LEKR1: variants seen among roughly 807,000 people sequenced by gnomAD.
The protein encoded by LEKR1 is leucine, glutamate and lysine rich 1, also known as protein LEKR1.
Under a neutral mutation model 72.4 loss-of-function variants are expected in LEKR1, and 59 were observed. The ratio of observed to expected loss-of-function variants is 0.82; its 90% CI spans 0.66 to 1.01. LEKR1 has a LOEUF of 1.01. LEKR1 is among the 50% of genes least tolerant of loss of function. The pLI, the probability that LEKR1 is intolerant of heterozygous loss-of-function variation, is 0.00. For missense variants in LEKR1, 728 were observed against 759.2 expected (o/e 0.96, Z 0.48); for synonymous variants, 257 against 263.2 (o/e 0.98, Z 0.23).
chr3:156,910,392 C>G (rs1437220908), intron 3 of LEKR1, among the ~76,000 whole-genome samples: 2 of 152,060 alleles, frequency 1.3e-5, no homozygotes, highest in Non-Finnish European at 2.9e-5. Flanking sequence ...TTTTCAGTTC[C>G]TGTATTAATT....
chr3:156,994,335 A>T (rs1459455985), intron 9 of LEKR1, among the ~76,000 whole-genome samples: 1 of 152,082 alleles, frequency 6.6e-6, no homozygotes, highest in Non-Finnish European at 1.5e-5. Flanking sequence ...CTGGGCACCA[A>T]ATCTGTTTCT....
chr3:156,927,489 TA>T lies in LEKR1; in HGVS notation c.448del (p.Arg150GlyfsTer3). On this transcript the variant is annotated frameshift_variant, in exon 5 of 13. Coordinates refer to ENST00000356539, the MANE Select transcript of LEKR1 (RefSeq NM_001004316.3). LOFTEE classifies it high-confidence loss of function. The stretch of plus-strand genomic sequence containing the variant: ...AGACTCTTTCATTACTTACTTTTAC[TA>T]AAAGGGAACTAACCAGTATTAAAAA... ...NKTLSLLTFTKRELTSIKNEV... is the reference protein window; with the variant it reads ...NKTLSLLTFTXRELTSIKNEV... 3 of 1,193,940 alleles carry T rather than the reference TA, an allele frequency of 2.5e-6. No individual in the cohort carries two copies. Among genetic ancestry groups the T allele is most frequent in the Admixed American group, 3.4e-5 (1 of 29,088 alleles). 74.0% of individuals were successfully genotyped at this position (1,193,940 alleles called of 1,614,324 possible).
At chr3:156,958,296 CT>C (rs1234586036) in intron 6 of LEKR1, among the ~76,000 whole-genome samples, 1 of 152,114 alleles carries the variant, frequency 6.6e-6, no homozygotes, top group Non-Finnish European at 1.5e-5. Context: ...TTCTGGTGAA[CT>C]GATTATACCA....
chr3:157,023,274 G>A (rs1349732780), intron 10 of LEKR1, among the ~76,000 whole-genome samples: 2 of 152,078 alleles, frequency 1.3e-5, no homozygotes, highest in African/African-American at 4.8e-5. Context: ...AGTCTCTCTA[G>A]ATGAACTCCC....
chr3:156,904,398 C>G (rs1368454981), intron 3 of LEKR1, among the ~76,000 whole-genome samples: 1 of 150,416 alleles, frequency 6.6e-6, no homozygotes, highest in African/African-American at 2.4e-5. Context: ...TATATATAAG[C>G]TCTATAATAC....
chr3:157,029,764 A>G (rs112219454), intron 12 of LEKR1, among the ~76,000 whole-genome samples: 7 of 152,290 alleles, frequency 4.6e-5, no homozygotes, highest in South Asian at 2.1e-4. Flanking sequence ...TTTGCCTCAA[A>G]TGAGACAGCA....
intron 6 of LEKR1, among the ~76,000 whole-genome samples, chr3:156,978,227 T>A (rs978367936): frequency 6.8e-6 from 1 of 147,352 alleles, no homozygotes; most frequent in African/African-American, 2.6e-5. Flanking sequence ...ATTTTCTAAT[T>A]TAAGGAACTA....
chr3:156,853,047 C>A, intron 3 of LEKR1, 65 bp downstream of exon 3: 1 of 1,075,988 alleles, frequency 9.3e-7, no homozygotes, highest in Non-Finnish European at 1.3e-6. Context: ...AATAAATACA[C>A]TTTGAATGTT....
chr3:157,033,880 G>T (rs1734789864), intron 12 of LEKR1, among the ~76,000 whole-genome samples: 1 of 152,108 alleles, frequency 6.6e-6, no homozygotes, highest in African/African-American at 2.4e-5. Flanking sequence ...GTGACTTTAA[G>T]TTGAAGCCAA....
intron 5 of LEKR1, among the ~76,000 whole-genome samples, chr3:156,938,753 G>T (rs1211448887): frequency 6.6e-6 from 1 of 151,886 alleles, no homozygotes; most frequent in Non-Finnish European, 1.5e-5. Context: ...CCCTATTATT[G>T]TAATAAAACT....
intron 3 of LEKR1, among the ~76,000 whole-genome samples, chr3:156,870,765 G>A (rs1717831410): frequency 6.6e-6 from 1 of 152,008 alleles, no homozygotes; most frequent in Non-Finnish European, 1.5e-5. Flanking sequence ...CTTCTTAGGG[G>A]AAAGGCTTTC....
At chr3:156,987,355 T>A (rs1453336675) in intron 7 of LEKR1, among the ~76,000 whole-genome samples, 2 of 152,024 alleles carry the variant, frequency 1.3e-5, no homozygotes, top group Admixed American at 6.6e-5. Flanking sequence ...TAGGTGGCTT[T>A]AAAAAAATGC....
chr3:156,929,978 A>G (rs7621699), intron 5 of LEKR1, among the ~76,000 whole-genome samples: 35,346 of 152,076 alleles, frequency 0.23, 6,170 homozygotes, highest in African/African-American at 0.49. Context: ...GAGTTATTCA[A>G]TGATAACTGA....
At chr3:156,949,541 C>T (rs1041354640) in intron 6 of LEKR1, among the ~76,000 whole-genome samples, 3 of 151,334 alleles carry the variant, frequency 2.0e-5, no homozygotes, top group African/African-American at 4.8e-5. Flanking sequence ...CGTACCAGTA[C>T]CATGCTGTTC....
At chr3:156,991,369 A>G (rs1038049995) in intron 7 of LEKR1, among the ~76,000 whole-genome samples, 1 of 152,008 alleles carries the variant, frequency 6.6e-6, no homozygotes, top group Non-Finnish European at 1.5e-5. Context: ...GTTATATTTT[A>G]TAATAAAAAA....
At chr3:156,830,313 C>T (rs564064389) in intron 2 of LEKR1, among the ~76,000 whole-genome samples, 30 of 152,250 alleles carry the variant, frequency 2.0e-4, no homozygotes, top group African/African-American at 6.5e-4. Context: ...ATGTTTAGTG[C>T]AATTTCATAA....
At chr3:156,901,834 C>T (rs988159977) in intron 3 of LEKR1, among the ~76,000 whole-genome samples, 3 of 152,054 alleles carry the variant, frequency 2.0e-5, no homozygotes, top group Non-Finnish European at 4.4e-5. Context: ...CTACAGGCGC[C>T]GGCCCCAAAC....
intron 3 of LEKR1, among the ~76,000 whole-genome samples, chr3:156,914,163 T>C (rs1264483878): frequency 6.6e-6 from 1 of 152,214 alleles, no homozygotes; most frequent in Non-Finnish European, 1.5e-5. Context: ...AAAAATTTTT[T>C]ACTGTCATTT....
chr3:156,869,820 T>C (rs146858134), intron 3 of LEKR1, among the ~76,000 whole-genome samples: 3 of 152,230 alleles, frequency 2.0e-5, no homozygotes, highest in East Asian at 3.9e-4. Context: ...TGTTTTCTCA[T>C]GGTAGTTTTA....
Sources: gnomAD v4.1 joint callset for allele counts (sites outside exome capture counted in the v4.1 genomes callset) on GRCh38, gnomAD v4.1.1 for gene constraint, MANE v1.5 for transcripts, NCBI Gene and HGNC (gene_info 2026-07-23, HGNC 2026-07-21) for gene names.